The following PLCH1 variants were observed in gnomAD, a reference collection of about 807,000 sequenced individuals.
PLCH1 encodes 1-phosphatidylinositol 4,5-bisphosphate phosphodiesterase eta-1.
Under a neutral mutation model 126.7 loss-of-function variants are expected in PLCH1, and 60 were observed. That is an observed-to-expected ratio of 0.47 (90% CI 0.38 to 0.59). PLCH1 has a LOEUF of 0.59. Ranked by LOEUF, PLCH1 falls within the 20% of genes least tolerant of loss-of-function variation. The probability of loss-of-function intolerance (pLI) is 0.00; values close to 1 mark genes in which losing one functional copy is unlikely to be tolerated. For missense variants in PLCH1, 1,723 were observed against 2,040.0 expected (o/e 0.84, Z 2.99); for synonymous variants, 719 against 734.9 (o/e 0.98, Z 0.35).
intron 9 of PLCH1, 51 bp from the exon 10 acceptor site, chr3:155,550,009 G>A: frequency 7.1e-7 from 1 of 1,398,652 alleles, no homozygotes. Context: ...GCAACTCACA[G>A]GGACTTTTGA....
chr3:155,455,108 T>C (rs1712408293), intron 21 of PLCH1, among the ~76,000 whole-genome samples: 1 of 152,204 alleles, frequency 6.6e-6, no homozygotes, highest in Non-Finnish European at 1.5e-5. Context: ...GTTAATATAA[T>C]TAATACCCAT....
chr3:155,699,082 C>CT lies in PLCH1; in HGVS notation c.79+5063dup, dbSNP rs796347387. On this transcript the variant is annotated intron_variant, in intron 2 of 22. Coordinates refer to ENST00000460012, the MANE Select transcript of PLCH1 (RefSeq NM_014996.4). ...AATGATAATATTTTTAATCTTTTAT[C>CT]TTTTTTTTTTTTGAGACAGTTTTGC... Among the ~76,000 whole-genome samples, 582 of 127,720 alleles carry CT rather than the reference C, an allele frequency of 4.6e-3. 2 individuals are homozygous for CT. The highest frequency in any genetic ancestry group is 0.016 in the Middle Eastern group (4 of 244). The allele number at this position is 127,720 out of a possible 152,430, so 83.8% of individuals were successfully genotyped here.
rs1017731542 is a variant in PLCH1, at chr3:155,492,920, G to T, written c.2183-67C>A. 49 of 1,314,158 alleles carry T rather than the reference G, an allele frequency of 3.7e-5. 1 individual carries two copies. In the South Asian group the frequency reaches 8.0e-4, roughly 21 times the overall value. The allele number at this position is 1,314,158 out of a possible 1,614,324, so 81.4% of individuals were successfully genotyped here. Reference sequence around the variant, plus strand: ...ACACACGCATGCACAGCTTAAGCTTGTAAACAAAGAAACAAACAAACAAAA... The same window carrying T: ...ACACACGCATGCACAGCTTAAGCTTTTAAACAAAGAAACAAACAAACAAAA... On this transcript the variant is annotated intron_variant, in intron 17 of 22. Transcript: ENST00000460012.
chr3:155,700,565 T>C (rs2109071977), intron 2 of PLCH1, among the ~76,000 whole-genome samples: 1 of 152,302 alleles, frequency 6.6e-6, no homozygotes. Context: ...GATAACCTAA[T>C]AACTTACAGG....
chr3:155,673,598 C>T (rs1190034398), intron 2 of PLCH1, among the ~76,000 whole-genome samples: 1 of 152,176 alleles, frequency 6.6e-6, no homozygotes, highest in African/African-American at 2.4e-5. Flanking sequence ...ATACAGCTCT[C>T]ATGATCTGGG....
In PLCH1 at chr3:155,583,609, T is replaced by G; in HGVS notation, c.634A>C (p.Thr212Pro). ...ADTDENQGTL[T>P]FEEFCVFYKM... ...TAAAAAACACAGAACTCTTCAAATG[T>G]CAAAGTTCCCTGATTCTCATCTGTG... is the stretch of plus-strand genomic sequence containing the variant. The change falls in exon 6 of 23, where the codon ACA becomes CCA. Residue 212 changes from threonine (T) to proline (P), a missense_variant. By Grantham distance (38) the Thr-to-Pro change is conservative. Around this residue, in one of 2 missense-constraint regions of PLCH1, gnomAD observed 776 missense variants for 1,062.9 expected, o/e 0.73. Transcript: ENST00000460012. 4 of 1,587,010 alleles carry G rather than the reference T, an allele frequency of 2.5e-6. No homozygotes were observed. The highest frequency in any genetic ancestry group is 3.4e-6 in the Non-Finnish European group (4 of 1,172,818).
chr3:155,662,400 A>G (rs7642655), intron 2 of PLCH1, among the ~76,000 whole-genome samples: 22,134 of 152,134 alleles, frequency 0.15, 1,657 homozygotes, highest in Middle Eastern at 0.22. Flanking sequence ...CCCAGGAGTT[A>G]GAGGTGGCAG....
intron 21 of PLCH1, among the ~76,000 whole-genome samples, chr3:155,458,772 G>A (rs1189300081): frequency 2.0e-5 from 3 of 152,132 alleles, no homozygotes; most frequent in African/African-American, 7.2e-5. Context: ...GAGATGCGAT[G>A]GTTTTATTTG....
chr3:155,478,010 T>C (rs973463728), downstream of PLCH1, among the ~76,000 whole-genome samples: 13 of 152,074 alleles, frequency 8.5e-5, no homozygotes, highest in African/African-American at 3.1e-4. Context: ...TGTCTATCAA[T>C]AGATGAATGG....
chr3:155,580,220 T>TC (rs757927681), intron 6 of PLCH1, among the ~76,000 whole-genome samples: 17 of 152,144 alleles, frequency 1.1e-4, no homozygotes, highest in Non-Finnish European at 2.4e-4. Flanking sequence ...GAGATATGTT[T>TC]CAAAAGCCAT....
chr3:155,595,179 G>A (rs1041047619), intron 3 of PLCH1, among the ~76,000 whole-genome samples: 1 of 152,210 alleles, frequency 6.6e-6, no homozygotes, highest in Non-Finnish European at 1.5e-5. Context: ...GTAGACAATG[G>A]CTAGATTGTG....
In PLCH1 at chr3:155,488,682, C is replaced by A; in HGVS notation, c.2517G>T (p.Val839=). 2 of 1,613,472 alleles carry A rather than the reference C, an allele frequency of 1.2e-6. No homozygotes were observed. Among genetic ancestry groups the A allele is most frequent in the South Asian group, 2.2e-5 (2 of 90,864 alleles). Residue 839 remains valine (V), a synonymous_variant, in exon 20 of 23, where the codon GTG becomes GTT. Transcript: ENST00000460012. The part of the protein sequence containing the change: ...IGRDFVGQRT[V]TFSSLVPGYR... ...TACCAGGCACTAAGCTGCTGAAGGTCACAGTTCTTTGTCCAACAAAGTCTC... is the reference window on the plus strand; with the variant it reads ...TACCAGGCACTAAGCTGCTGAAGGTAACAGTTCTTTGTCCAACAAAGTCTC...
chr3:155,698,662 A>G (rs73156578), intron 2 of PLCH1, among the ~76,000 whole-genome samples: 14,074 of 152,256 alleles, frequency 0.092, 750 homozygotes, highest in African/African-American at 0.14. Context: ...TTTTGCTGAT[A>G]TGGAAAACTT....
At chr3:155,701,209 T>G (rs969763267) in intron 2 of PLCH1, among the ~76,000 whole-genome samples, 4 of 152,200 alleles carry the variant, frequency 2.6e-5, no homozygotes, top group African/African-American at 9.6e-5. Context: ...CTCTTAACAG[T>G]AGGTTTAACA....
chr3:155,688,691 T>C (rs1745141978), intron 2 of PLCH1, among the ~76,000 whole-genome samples: 1 of 152,104 alleles, frequency 6.6e-6, no homozygotes, highest in South Asian at 2.1e-4. Flanking sequence ...CCCAGGCCTG[T>C]CAGCATTCAC....
At chr3:155,676,846 A>AG (rs1744133613) in intron 2 of PLCH1, among the ~76,000 whole-genome samples, 1 of 152,202 alleles carries the variant, frequency 6.6e-6, no homozygotes, top group Non-Finnish European at 1.5e-5. Context: ...TGTTTAAAAA[A>AG]AAAATCACAT....
chr3:155,607,960 G>A (rs377373241), intron 2 of PLCH1, among the ~76,000 whole-genome samples: 10 of 152,096 alleles, frequency 6.6e-5, no homozygotes, highest in African/African-American at 2.4e-4. Context: ...TAAATTCCAC[G>A]AGACAGCAAA....
chr3:155,471,125 G>A (rs1375723687), intron 21 of PLCH1, among the ~76,000 whole-genome samples: 1 of 152,076 alleles, frequency 6.6e-6, no homozygotes, highest in Non-Finnish European at 1.5e-5. Context: ...AAAAGACACA[G>A]ACTGGCAAAT....
chr3:155,485,500 C>G lies in PLCH1; in HGVS notation c.2830G>C (p.Asp944His). Residue 944 changes from aspartate (D) to histidine (H), a missense_variant, in exon 22 of 23, where the codon GAT becomes CAT. Physicochemically the swap from Asp to His is moderately conservative, Grantham distance 81. This residue lies in a region of PLCH1 where 947 missense variants were observed against 977.1 expected (regional missense o/e 0.97). Coordinates refer to ENST00000460012, the MANE Select transcript of PLCH1 (RefSeq NM_014996.4). ...GTCCTCCTCAGCACGCCATCTTGATCTCTTGTGGCCTCGGACACAGAATCC... is the reference window on the plus strand; with the variant it reads ...GTCCTCCTCAGCACGCCATCTTGATGTCTTGTGGCCTCGGACACAGAATCC... Reference protein sequence around the residue: ...IKDSVSEATRDQDGVLRRTTR... With the variant: ...IKDSVSEATRHQDGVLRRTTR... 6.2e-7 allele frequency: 1 copy of G among 1,614,220 alleles called. No individual in the cohort carries two copies. Among genetic ancestry groups the G allele is most frequent in the Non-Finnish European group, 8.5e-7 (1 of 1,180,030 alleles).
Sources: allele counts gnomAD v4.1 joint callset (sites outside exome capture counted in the v4.1 genomes callset), GRCh38; gene constraint gnomAD v4.1.1; regional missense constraint gnomAD v4.1.1; transcripts MANE v1.5; gene names NCBI Gene and HGNC (gene_info 2026-07-23, HGNC 2026-07-21).